The following ICAM5 variants were observed in gnomAD, a reference collection of about 807,000 sequenced individuals.
The protein encoded by ICAM5 is intercellular adhesion molecule 5, also known as ICAM-5.
In ICAM5, 38 loss-of-function variants were observed where a neutral mutation model predicts 78.8. The ratio of observed to expected loss-of-function variants is 0.48; its 90% CI spans 0.37 to 0.63. The LOEUF (loss-of-function observed/expected upper bound fraction) is 0.63, where lower values mean the gene tolerates loss of function less well. Ranked by LOEUF, ICAM5 falls within the 30% of genes least tolerant of loss-of-function variation. The pLI is 0.00. For synonymous variants in ICAM5, 544 were observed against 590.9 expected (o/e 0.92, Z 1.15); for missense variants, 1,059 against 1,303.0 (o/e 0.81, Z 2.88).
chr19:10,291,665 C>A lies in ICAM5; in HGVS notation c.529C>A (p.Arg177=). ...CTTCGCCGGTGAACCACCCCGAGCG[C>A]GGGGCGCGGTGCTCACAGCCACGGT... ...RSFAGEPPRA[R]GAVLTATVLA... The change falls in exon 3 of 11, where the codon CGG becomes AGG. Residue 177 remains arginine, a synonymous_variant. Coordinates refer to ENST00000221980, the MANE Select transcript of ICAM5 (RefSeq NM_003259.4). The A allele has an allele frequency of 6.2e-7, 1 of 1,612,160 alleles. No individual in the cohort carries two copies. Among genetic ancestry groups the A allele is most frequent in the Non-Finnish European group, 8.5e-7 (1 of 1,179,608 alleles).
chr19:10,293,889 G>A lies in ICAM5; in HGVS notation c.1657G>A (p.Glu553Lys), dbSNP rs1235315412. 2 of 1,611,634 alleles carry A rather than the reference G, an allele frequency of 1.2e-6. No individual in the cohort carries two copies. Among genetic ancestry groups the A allele is most frequent in the Non-Finnish European group, 1.7e-6 (2 of 1,180,004 alleles). ...AREHAGTYRC[E>K]ATNPRGSAAK... ...GGAGCATGCGGGCACTTACCGCTGC[G>A]AAGCCACCAACCCTCGGGGCTCTGC... The change falls in exon 7 of 11, where the codon GAA becomes AAA. Residue 553 changes from glutamate (E) to lysine (K), a missense_variant. Glu to Lys is a moderately conservative substitution (Grantham distance 56). Transcript: ENST00000221980. The surrounding 1 kb of genome is among the most constrained non-coding windows in gnomAD (Gnocchi z 5.0).
rs1289958068 is a variant in ICAM5, at chr19:10,293,629, C to G, written c.1466-69C>G. 37 of 1,557,268 alleles carry G rather than the reference C, an allele frequency of 2.4e-5. No homozygotes were observed. Among genetic ancestry groups the G allele is most frequent in the Non-Finnish European group, 3.1e-5 (36 of 1,148,826 alleles). On this transcript the variant is annotated intron_variant, in intron 6 of 10. Transcript: ENST00000221980. This position sits in a 1 kb window ranked among gnomAD's most constrained non-coding sequence, Gnocchi z 5.0. ...AACACTTCGTGGAAGCCTTGCCGCG[C>G]CAAGGAGGGTCTAGGGACGTCAGAT...
chr19:10,294,742 G>C lies in ICAM5; in HGVS notation c.2230+102G>C. 6.5e-7 allele frequency: 1 copy of C among 1,544,858 alleles called. No homozygotes were observed. The highest frequency in any genetic ancestry group is 8.8e-7 in the Non-Finnish European group (1 of 1,141,444). Reference sequence around the variant, plus strand: ...CACCTCTCCCAATCCCATTCTCGGGGACAGGGAATTCCAGCCTAAACCAGG... The same window carrying C: ...CACCTCTCCCAATCCCATTCTCGGGCACAGGGAATTCCAGCCTAAACCAGG... On this transcript the variant is annotated intron_variant, in intron 9 of 10. Coordinates refer to ENST00000221980, the MANE Select transcript of ICAM5 (RefSeq NM_003259.4). The surrounding 1 kb of genome is among the most constrained non-coding windows in gnomAD (Gnocchi z 7.7).
At position 10,296,615 on chromosome 19, in the gene ICAM5, G is replaced by A; in HGVS notation, c.2774G>A (p.Ter925=). The A allele has an allele frequency of 8.3e-7, 1 of 1,211,540 alleles. No homozygotes were observed. Among genetic ancestry groups the A allele is most frequent in the Non-Finnish European group, 1.0e-6 (1 of 970,608 alleles). The allele number at this position is 1,211,540 out of a possible 1,614,324, so 75.0% of individuals were successfully genotyped here. ...EVFAIQLTSA[*] is the part of the protein sequence containing the mutation. Reference sequence around the variant, plus strand: ...TTCGCCATACAGCTGACATCGGCGTGAGCCCGCTCCCCTCTCCCCGCGGGC... The same window carrying A: ...TTCGCCATACAGCTGACATCGGCGTAAGCCCGCTCCCCTCTCCCCGCGGGC... The change falls in exon 11 of 11, where the codon TGA becomes TAA. Residue 925 remains the stop codon, a stop_retained_variant. Coordinates refer to ENST00000221980, the MANE Select transcript of ICAM5 (RefSeq NM_003259.4).
At position 10,295,278 on chromosome 19, in the gene ICAM5, C is replaced by A. The variant is rs1421869986; in HGVS notation, c.2231-68C>A. The A allele has an allele frequency of 2.8e-6, 4 of 1,431,924 alleles. No homozygotes were observed. In the Admixed American group the frequency reaches 8.4e-5, roughly 30 times the overall value. 88.7% of individuals were successfully genotyped at this position (1,431,924 alleles called of 1,614,324 possible). ...GTGGTCTCCCATCGATCGTTGTGGG[C>A]CGGAGCAGGGCATTTGATCAGTGGC... On this transcript the variant is annotated intron_variant, in intron 9 of 10. Coordinates refer to ENST00000221980, the MANE Select transcript of ICAM5 (RefSeq NM_003259.4).
In ICAM5 at chr19:10,293,064, C is replaced by A; in HGVS notation, c.1283C>A (p.Thr428Lys). The change falls in exon 6 of 11, where the codon ACG becomes AAG. Residue 428 changes from threonine to lysine, a missense_variant. Physicochemically the swap from Thr to Lys is moderately conservative, Grantham distance 78. Transcript: ENST00000221980. The surrounding 1 kb of genome is among the most constrained non-coding windows in gnomAD (Gnocchi z 5.0). ...SWTWPEGPEQ[T>K]LRCEARGNPE... is the part of the protein sequence containing the mutation. ...ACGTGGCCCGAGGGCCCAGAGCAGA[C>A]GCTGCGCTGCGAGGCCCGCGGGAAC... 6.2e-7 allele frequency: 1 copy of A among 1,610,372 alleles called. No homozygotes were observed. Among genetic ancestry groups the A allele is most frequent in the Non-Finnish European group, 8.5e-7 (1 of 1,179,876 alleles).
rs79356289 is a variant in ICAM5 at position 10,290,523 on chromosome 19, C to T, written c.82+398C>T. 495 of 219,522 alleles carry T rather than the reference C, an allele frequency of 2.3e-3. 5 individuals are homozygous for T. Among genetic ancestry groups the T allele is most frequent in the African/African-American group, 0.011 (475 of 43,542 alleles). 13.6% of individuals were successfully genotyped at this position (219,522 alleles called of 1,614,324 possible). A position where few individuals can be genotyped will look rare whatever the true frequency, so the allele number is the denominator to read the frequency against. On this transcript the variant is annotated intron_variant, in intron 1 of 10. Transcript: ENST00000221980. The surrounding 1 kb of genome is among the most constrained non-coding windows in gnomAD (Gnocchi z 5.7). ...TGACTCAGAGGCGCTGTTCCCGCTC[C>T]ACCCAGAGCCCTGGCAACCGGGTCC...
chr19:10,293,921 A>T lies in ICAM5; in HGVS notation c.1689A>T (p.Lys563Asn). ...EATNPRGSAA[K>N]NVAVTVEYGP... ...CCAACCCTCGGGGCTCTGCGGCCAA[A>T]AATGTGGCCGTCACGGTGGAATGTG... Residue 563 changes from lysine (K) to asparagine (N), a missense_variant, in exon 7 of 11, where the codon AAA (lysine) becomes AAT (asparagine). Around this residue, in one of 3 missense-constraint regions of ICAM5, gnomAD observed 815 missense variants for 952.8 expected, o/e 0.86. Coordinates refer to ENST00000221980, the MANE Select transcript of ICAM5 (RefSeq NM_003259.4). The surrounding 1 kb of genome is among the most constrained non-coding windows in gnomAD (Gnocchi z 5.0). 1 of 1,611,694 alleles carries T rather than the reference A, an allele frequency of 6.2e-7. No individual in the cohort carries two copies. Among genetic ancestry groups the T allele is most frequent in the Non-Finnish European group, 8.5e-7 (1 of 1,179,690 alleles).
chr19:10,294,618 G>A lies in ICAM5; in HGVS notation c.2208G>A (p.Arg736=), dbSNP rs536016126. The change falls in exon 9 of 11, where the codon CGG becomes CGA. Residue 736 remains arginine (R), a synonymous_variant. Transcript: ENST00000221980. The surrounding 1 kb of genome is among the most constrained non-coding windows in gnomAD (Gnocchi z 7.7). The part of the protein sequence containing the change: ...VATNAHGTDS[R]TVTVGVEYRP... ...CCAATGCGCATGGCACGGACTCCCGGACCGTCACTGTGGGCGTGGAATGTG... is the reference window on the plus strand; with the variant it reads ...CCAATGCGCATGGCACGGACTCCCGAACCGTCACTGTGGGCGTGGAATGTG... The A allele has an allele frequency of 3.7e-6, 6 of 1,612,832 alleles. No individual in the cohort carries two copies. The East Asian group carries it at 8.9e-5, about 24-fold the overall frequency.
At position 10,290,097 on chromosome 19, in the gene ICAM5, T is replaced by C; in HGVS notation, c.54T>C (p.Ala18=). 1 of 1,540,966 alleles carries C rather than the reference T, an allele frequency of 6.5e-7. No homozygotes were observed. Among genetic ancestry groups the C allele is most frequent in the Non-Finnish European group, 8.7e-7 (1 of 1,143,312 alleles). Residue 18 remains alanine, a synonymous_variant, in exon 1 of 11, where the codon GCT becomes GCC. Transcript: ENST00000221980. The surrounding 1 kb of genome is among the most constrained non-coding windows in gnomAD (Gnocchi z 5.7). ...LRRALLGLWA[A]LGLGLFGLSA... ...GGGCGCTACTCGGCCTCTGGGCTGC[T>C]CTGGGCCTGGGGCTCTTCGGCCTCT...
intron 10 of ICAM5, among the ~76,000 whole-genome samples, 174 bp from the exon 11 acceptor site, chr19:10,296,165 G>C (rs766502635): frequency 2.0e-5 from 3 of 152,166 alleles, no homozygotes; most frequent in African/African-American, 7.2e-5. Context: ...TCGGGACTCG[G>C]GTCGCCCTGG....
chr19:10,292,584 A>T, intron 4 of ICAM5, 28 bp from the exon 5 acceptor site: 3 of 1,542,736 alleles, frequency 1.9e-6, no homozygotes, highest in Non-Finnish European at 2.6e-6. Flanking sequence ...TATGGTCAGT[A>T]TACTACGACC....
intron 3 of ICAM5, 102 bp from the exon 4 acceptor site, chr19:10,291,933 T>A (rs917803134): frequency 6.7e-7 from 1 of 1,490,190 alleles, no homozygotes; most frequent in African/African-American, 1.4e-5. Flanking sequence ...TGTTTCCCCC[T>A]CCGTGCCTTG....
Position 10,294,253 on chromosome 19 carries a change from T to C in ICAM5, c.1925T>C (p.Ile642Thr). The change falls in exon 8 of 11, where the codon ATC becomes ACC. Residue 642 changes from isoleucine to threonine, a missense_variant. Transcript: ENST00000221980. This position sits in a 1 kb window ranked among gnomAD's most constrained non-coding sequence, Gnocchi z 7.7. ...ATCCCTAGAGTCCTGGCACCCGGTA[T>C]CTACGTCTGCAACGCCACCAACCGC... ...PRIPRVLAPG[I>T]YVCNATNRHG... 12 of 1,613,770 alleles carry C rather than the reference T, an allele frequency of 7.4e-6. No homozygotes were observed. Among genetic ancestry groups the C allele is most frequent in the Non-Finnish European group, 1.0e-5 (12 of 1,179,948 alleles).
Position 10,291,724 on chromosome 19 carries a change from C to A in ICAM5, c.588C>A (p.Phe196Leu). 2 of 1,612,878 alleles carry A rather than the reference C, an allele frequency of 1.2e-6. No homozygotes were observed. The highest frequency in any genetic ancestry group is 1.7e-6 in the Non-Finnish European group (2 of 1,180,010). ...GGAGGGAGGACCATGGAGCCAATTTCTCGTGTCGCGCCGAGCTGGACCTGC... is the reference window on the plus strand; with the variant it reads ...GGAGGGAGGACCATGGAGCCAATTTATCGTGTCGCGCCGAGCTGGACCTGC... The part of the protein sequence containing the change: ...LARREDHGAN[F>L]SCRAELDLRP... The change falls in exon 3 of 11, where the codon TTC becomes TTA. Residue 196 changes from phenylalanine to leucine, a missense_variant. This residue lies in a region of ICAM5 where 815 missense variants were observed against 952.8 expected (regional missense o/e 0.86). Coordinates refer to ENST00000221980, the MANE Select transcript of ICAM5 (RefSeq NM_003259.4).
In ICAM5 at chr19:10,296,436, C is replaced by T. The variant is rs921828410; in HGVS notation, c.2595C>T (p.Cys865=). 6 of 1,328,352 alleles carry T rather than the reference C, an allele frequency of 4.5e-6. No homozygotes were observed. In the African/African-American group the frequency reaches 9.2e-5, roughly 20 times the overall value. The allele number at this position is 1,328,352 out of a possible 1,614,324, so 82.3% of individuals were successfully genotyped here. ...GLAFYVQSTA[C]KKGEYNVQEA... ...CCTTCTACGTGCAGTCCACCGCCTG[C>T]AAGAAGGGCGAGTACAACGTGCAGG... is the stretch of plus-strand genomic sequence containing the variant. Residue 865 remains cysteine, a synonymous_variant, in exon 11 of 11, where the codon TGC becomes TGT. Transcript: ENST00000221980.
Position 10,294,305 on chromosome 19 carries a change from C to T in ICAM5, c.1977C>T (p.Val659=). The part of the protein sequence containing the change: ...NRHGSVAKTV[V]VSAESPPEMD... ...ACGGCTCCGTGGCCAAAACAGTCGT[C>T]GTGAGCGCGGAGTGTGAGCGAGGCC... is the stretch of plus-strand genomic sequence containing the variant. The change falls in exon 8 of 11, where the codon GTC becomes GTT. Residue 659 remains valine (V), a synonymous_variant. Transcript: ENST00000221980. This position sits in a 1 kb window ranked among gnomAD's most constrained non-coding sequence, Gnocchi z 7.7. 6.2e-7 allele frequency: 1 copy of T among 1,613,024 alleles called. No individual in the cohort carries two copies. Among genetic ancestry groups the T allele is most frequent in the Non-Finnish European group, 8.5e-7 (1 of 1,179,778 alleles).
rs760486398 is a variant in ICAM5, at chr19:10,294,689, G to A, written c.2230+49G>A. 6 of 1,608,232 alleles carry A rather than the reference G, an allele frequency of 3.7e-6. No individual in the cohort carries two copies. The African/African-American group carries it at 8.0e-5, about 22-fold the overall frequency. On this transcript the variant is annotated intron_variant, in intron 9 of 10. Transcript: ENST00000221980. This position sits in a 1 kb window ranked among gnomAD's most constrained non-coding sequence, Gnocchi z 7.7. ...GAGGGGACACGGTCCTCGGAAGAAT[G>A]ACTCGCAGCGGTGGGAGCATTCAAG... is the stretch of plus-strand genomic sequence containing the variant.
chr19:10,296,496 C>T lies in ICAM5; in HGVS notation c.2655C>T (p.Asn885=), dbSNP rs911685980. The change falls in exon 11 of 11, where the codon AAC becomes AAT. Residue 885 remains asparagine, a synonymous_variant. Coordinates refer to ENST00000221980, the MANE Select transcript of ICAM5 (RefSeq NM_003259.4). ...AESSGEAVCL[N]GAGGGAGGAA... is the part of the protein sequence containing the mutation. ...GCTCAGGCGAGGCCGTGTGTCTGAA[C>T]GGAGCGGGCGGCGGCGCTGGCGGGG... 6.8e-5 allele frequency: 84 copies of T among 1,240,952 alleles called. No homozygotes were observed. The highest frequency in any genetic ancestry group is 2.4e-4 in the Middle Eastern group (1 of 4,166). 76.9% of individuals were successfully genotyped at this position (1,240,952 alleles called of 1,614,324 possible). A position where few individuals can be genotyped will look rare whatever the true frequency, so the allele number is the denominator to read the frequency against.
Sources: allele counts gnomAD v4.1 joint callset (sites outside exome capture counted in the v4.1 genomes callset), GRCh38; gene constraint gnomAD v4.1.1; regional missense constraint gnomAD v4.1.1; non-coding constraint Gnocchi (gnomAD v3.1); transcripts MANE v1.5; gene names NCBI Gene and HGNC (gene_info 2026-07-23, HGNC 2026-07-21).